The following ST3GAL3 variants were observed in gnomAD, a reference collection of about 807,000 sequenced individuals.
The protein encoded by ST3GAL3 is ST3 beta-galactoside alpha-2,3-sialyltransferase 3.
A neutral mutation model predicts 50.1 loss-of-function variants in ST3GAL3; 21 were observed. The observed-to-expected ratio is 0.42, with a 90% CI of 0.30 to 0.60. ST3GAL3 has a LOEUF of 0.60. Among genes scored for constraint, ST3GAL3 ranks in the 20% least tolerant of loss-of-function variants. The pLI is 0.19. For missense variants in ST3GAL3, 353 were observed against 489.4 expected (o/e 0.72, Z 2.63); for synonymous variants, 183 against 190.0 (o/e 0.96, Z 0.30).
intron 3 of ST3GAL3, among the ~76,000 whole-genome samples, chr1:43,802,946 T>G (rs2154165208): frequency 6.6e-6 from 1 of 152,262 alleles, no homozygotes; most frequent in Middle Eastern, 3.4e-3. Context: ...TTTGTTTTTG[T>G]TTTTGAGACA....
intron 4 of ST3GAL3, among the ~76,000 whole-genome samples, chr1:43,834,663 A>G (rs1302127475): frequency 6.6e-6 from 1 of 152,172 alleles, no homozygotes; most frequent in Non-Finnish European, 1.5e-5. Context: ...CACGTCAGCC[A>G]GGGCACCCTC....
chr1:43,850,433 G>A lies in ST3GAL3; in HGVS notation c.302+12122G>A, dbSNP rs544209756. The A allele has an allele frequency of 5.3e-4, 307 of 584,704 alleles. 1 individual carries two copies. Among genetic ancestry groups the A allele is most frequent in the Middle Eastern group, 2.9e-3 (6 of 2,052 alleles). 36.2% of individuals were successfully genotyped at this position (584,704 alleles called of 1,614,324 possible). A position where few individuals can be genotyped will look rare whatever the true frequency, so the allele number is the denominator to read the frequency against. On this transcript the variant is annotated intron_variant, in intron 5 of 11. Transcript: ENST00000347631. Reference sequence around the variant, plus strand: ...CTTTCAGGGTGGCTCTGATGCCAGCGTTGCTCTGGATCTGCAGGGTTAGCT... The same window carrying A: ...CTTTCAGGGTGGCTCTGATGCCAGCATTGCTCTGGATCTGCAGGGTTAGCT...
chr1:43,743,963 G>A (rs1682335723), intron 2 of ST3GAL3, among the ~76,000 whole-genome samples: 1 of 151,948 alleles, frequency 6.6e-6, no homozygotes, highest in Admixed American at 6.6e-5. Flanking sequence ...AATGGATATG[G>A]GATGGGGAAA....
intron 5 of ST3GAL3, among the ~76,000 whole-genome samples, chr1:43,851,813 A>C (rs3791081): frequency 0.043 from 6,482 of 152,172 alleles, 170 homozygotes; most frequent in East Asian, 0.13. Context: ...GTGCCACCAG[A>C]GTCCCAGACC....
At chr1:43,743,534 A>G in intron 2 of ST3GAL3, 1 of 425,734 alleles carries the variant, frequency 2.3e-6, no homozygotes. Flanking sequence ...TTTAAGATTA[A>G]GAGGGATACA....
At chr1:43,916,889 A>C (rs1377286346) in intron 9 of ST3GAL3, 1 of 152,222 alleles carries the variant, frequency 6.6e-6, no homozygotes, top group Non-Finnish European at 1.5e-5. Context: ...CAAAATTCTT[A>C]GAAGATATCA....
At chr1:43,876,066 C>G (rs1274885597) in intron 5 of ST3GAL3, among the ~76,000 whole-genome samples, 2 of 151,780 alleles carry the variant, frequency 1.3e-5, no homozygotes, top group Non-Finnish European at 2.9e-5. Context: ...ATTCCAGGCT[C>G]AAGTGATGCT....
chr1:43,823,362 G>C (rs892515833), intron 4 of ST3GAL3, among the ~76,000 whole-genome samples: 1 of 151,924 alleles, frequency 6.6e-6, no homozygotes, highest in East Asian at 1.9e-4. Context: ...GTTTTATCCT[G>C]CGCTCCTTGC....
intron 3 of ST3GAL3, among the ~76,000 whole-genome samples, chr1:43,808,901 T>A (rs1173520981): frequency 6.6e-6 from 1 of 152,218 alleles, no homozygotes; most frequent in Non-Finnish European, 1.5e-5. Flanking sequence ...ATGGGGTATC[T>A]CATAGTGTAC....
intron 1 of ST3GAL3, among the ~76,000 whole-genome samples, chr1:43,725,761 C>A (rs776484799): frequency 1.6e-4 from 25 of 152,148 alleles, no homozygotes; most frequent in Non-Finnish European, 3.4e-4. Flanking sequence ...ATCCTCCCAC[C>A]TCAGCCTCCT....
chr1:43,763,192 G>A lies in ST3GAL3; in HGVS notation c.118+26812G>A, dbSNP rs545795552. Among the ~76,000 whole-genome samples the A allele has an allele frequency of 2.0e-4, 30 of 152,234 alleles. No individual in the cohort carries two copies. The South Asian group carries it at 5.4e-3, about 27-fold the overall frequency. ...TAATTAAATCATGGTTCCCCCATCCGGTGAGTACTCTGCACCTGAAGATGA... is the reference window on the plus strand; with the variant it reads ...TAATTAAATCATGGTTCCCCCATCCAGTGAGTACTCTGCACCTGAAGATGA... On this transcript the variant is annotated intron_variant, in intron 2 of 11. Coordinates refer to ENST00000347631, the MANE Select transcript of ST3GAL3 (RefSeq NM_006279.5).
chr1:43,902,342 C>T (rs1476962374), intron 9 of ST3GAL3, among the ~76,000 whole-genome samples: 2 of 152,198 alleles, frequency 1.3e-5, no homozygotes, highest in Non-Finnish European at 1.5e-5. Flanking sequence ...CTGCCACTTA[C>T]TACATGAGGA....
intron 4 of ST3GAL3, among the ~76,000 whole-genome samples, chr1:43,830,746 G>A (rs1438656373): frequency 2.0e-5 from 3 of 152,208 alleles, no homozygotes; most frequent in Admixed American, 6.5e-5. Flanking sequence ...ATAGATGATG[G>A]AATTGTTTTA....
At chr1:43,818,346 T>C (rs1360722145) in intron 4 of ST3GAL3, among the ~76,000 whole-genome samples, 1 of 152,202 alleles carries the variant, frequency 6.6e-6, no homozygotes, top group Non-Finnish European at 1.5e-5. Flanking sequence ...ACAAAAACAC[T>C]TAGTATTTGT....
chr1:43,754,439 A>G (rs977130092), intron 2 of ST3GAL3, among the ~76,000 whole-genome samples: 1 of 151,926 alleles, frequency 6.6e-6, no homozygotes, highest in Non-Finnish European at 1.5e-5. Flanking sequence ...CAATCCACCC[A>G]CCTCAGCCTC....
intron 5 of ST3GAL3, among the ~76,000 whole-genome samples, chr1:43,872,283 G>A (rs2073139422): frequency 8.5e-6 from 1 of 117,984 alleles, no homozygotes; most frequent in Non-Finnish European, 1.8e-5. Flanking sequence ...GCTGTGGGGG[G>A]GACGGAGGAG....
intron 1 of ST3GAL3, chr1:43,719,273 C>T (rs1046559981): frequency 3.3e-5 from 5 of 152,176 alleles, no homozygotes; most frequent in African/African-American, 1.2e-4. Flanking sequence ...AGAGGGTTAA[C>T]ATCATCAGCC....
chr1:43,876,146 T>C (rs912955266), intron 5 of ST3GAL3, among the ~76,000 whole-genome samples: 1 of 152,008 alleles, frequency 6.6e-6, no homozygotes, highest in African/African-American at 2.4e-5. Context: ...AAATTTTTTG[T>C]AGAGACAGGG....
intron 9 of ST3GAL3, among the ~76,000 whole-genome samples, chr1:43,917,625 TATATAATATATA>T (rs57574711): frequency 0.02 from 1,339 of 67,966 alleles, 62 homozygotes; most frequent in African/African-American, 0.072. Flanking sequence ...TATTATATTA[TATATAATATATA>T]ATATAATATA....
Sources: gnomAD v4.1 joint callset for allele counts (sites outside exome capture counted in the v4.1 genomes callset) on GRCh38, gnomAD v4.1.1 for gene constraint, MANE v1.5 for transcripts, NCBI Gene and HGNC (gene_info 2026-07-23, HGNC 2026-07-21) for gene names.